PAK2: variants seen among roughly 807,000 people sequenced by gnomAD.
PAK2 encodes p21 (RAC1) activated kinase 2, also known as serine/threonine-protein kinase PAK 2.
In PAK2, 21 loss-of-function variants were observed where a neutral mutation model predicts 65.9. The observed-to-expected ratio is 0.32, with a 90% CI of 0.23 to 0.46. The LOEUF is 0.46. PAK2 is among the 20% of genes least tolerant of loss of function. The probability of loss-of-function intolerance (pLI) is 1.00; values close to 1 mark genes in which losing one functional copy is unlikely to be tolerated. For missense variants in PAK2, 324 were observed against 642.6 expected (o/e 0.50, Z 5.36); for synonymous variants, 204 against 219.7 (o/e 0.93, Z 0.63).
chr3:196,755,156 C>G (rs1423736964), intron 1 of PAK2, among the ~76,000 whole-genome samples: 1 of 152,194 alleles, frequency 6.6e-6, no homozygotes, highest in Non-Finnish European at 1.5e-5. Flanking sequence ...GCATTATTTA[C>G]TAGAGTAAAC....
chr3:196,742,933 AAG>A (rs1327188178), intron 1 of PAK2, among the ~76,000 whole-genome samples: 1 of 152,198 alleles, frequency 6.6e-6, no homozygotes, highest in Non-Finnish European at 1.5e-5. Context: ...AAAAAAGAAA[AAG>A]AAAAAGAAAC....
At chr3:196,816,391 A>G (rs1716029248) in intron 11 of PAK2, among the ~76,000 whole-genome samples, 1 of 152,216 alleles carries the variant, frequency 6.6e-6, no homozygotes, top group African/African-American at 2.4e-5. Flanking sequence ...AGTCCTTAAC[A>G]ATGCATGCTT....
intron 1 of PAK2, among the ~76,000 whole-genome samples, chr3:196,777,101 CTTATT>C (rs1714560263): frequency 6.6e-6 from 1 of 152,170 alleles, no homozygotes; most frequent in African/African-American, 2.4e-5. Flanking sequence ...TCTCACTCAA[CTTATT>C]TTGTTTTGGA....
intron 2 of PAK2, among the ~76,000 whole-genome samples, chr3:196,789,345 C>T (rs1714992573): frequency 6.6e-6 from 1 of 152,132 alleles, no homozygotes. Flanking sequence ...GATCTGTAAA[C>T]AACCTTTCTG....
chr3:196,820,671 G>A lies in PAK2; in HGVS notation c.1350+104G>A, dbSNP rs553538780. On this transcript the variant is annotated intron_variant, in intron 13 of 14. Coordinates refer to ENST00000327134, the MANE Select transcript of PAK2 (RefSeq NM_002577.4). The surrounding 1 kb of genome is among the most constrained non-coding windows in gnomAD (Gnocchi z 4.6). Reference sequence around the variant, plus strand: ...GTCCAAGAATTTAAAGTAGAAGGTTGATAAAACCTAATCTCTGCCCCTAAC... The same window carrying A: ...GTCCAAGAATTTAAAGTAGAAGGTTAATAAAACCTAATCTCTGCCCCTAAC... 37 of 549,904 alleles carry A rather than the reference G, an allele frequency of 6.7e-5. No homozygotes were observed. The Admixed American group carries it at 9.9e-4, about 15-fold the overall frequency. The allele number at this position is 549,904 out of a possible 1,614,324, so 34.1% of individuals were successfully genotyped here.
At chr3:196,814,124 T>C (rs1481216947) in intron 10 of PAK2, among the ~76,000 whole-genome samples, 1 of 152,132 alleles carries the variant, frequency 6.6e-6, no homozygotes, top group Non-Finnish European at 1.5e-5. Context: ...CTTGGATGAG[T>C]CACTTCACCT....
intron 1 of PAK2, chr3:196,747,325 A>G (rs371019711): frequency 6.6e-6 from 1 of 152,156 alleles, no homozygotes; most frequent in African/African-American, 2.4e-5. Flanking sequence ...GTGCAAAGCT[A>G]GTTCATTTTA....
Position 196,829,764 on chromosome 3 carries a change from A to G in PAK2, c.*1359A>G, listed in dbSNP as rs1048359847. On this transcript the variant is annotated 3_prime_UTR_variant, in exon 15 of 15. Coordinates refer to ENST00000327134, the MANE Select transcript of PAK2 (RefSeq NM_002577.4). ...AGTTTAGTTTTGTTTTGTTTTTTCAAATAAGTAGAGACTATTGTAAAAAAC... is the reference window on the plus strand; with the variant it reads ...AGTTTAGTTTTGTTTTGTTTTTTCAGATAAGTAGAGACTATTGTAAAAAAC... 3.9e-5 allele frequency: 6 copies of G among 152,220 alleles called. No homozygotes were observed. The highest frequency in any genetic ancestry group is 1.4e-4 in the African/African-American group (6 of 41,458). 9.4% of individuals were successfully genotyped at this position (152,220 alleles called of 1,614,324 possible).
chr3:196,766,626 G>A (rs541435561), intron 1 of PAK2, among the ~76,000 whole-genome samples: 2 of 151,762 alleles, frequency 1.3e-5, no homozygotes, highest in Non-Finnish European at 2.9e-5. Flanking sequence ...TATAATTTAC[G>A]GAGTTCCAAA....
At chr3:196,768,073 GA>G (rs1230065868) in intron 1 of PAK2, among the ~76,000 whole-genome samples, 1 of 151,980 alleles carries the variant, frequency 6.6e-6, no homozygotes, top group Non-Finnish European at 1.5e-5. Context: ...GCTAAAACTG[GA>G]AAAATATTTT....
Position 196,820,278 on chromosome 3 carries a change from A to T in PAK2, c.1154-93A>T, listed in dbSNP as rs765803770. The T allele has an allele frequency of 4.9e-6, 3 of 609,694 alleles. No homozygotes were observed. The highest frequency in any genetic ancestry group is 8.0e-6 in the Non-Finnish European group (3 of 375,920). The allele number at this position is 609,694 out of a possible 1,614,324, so 37.8% of individuals were successfully genotyped here. A position where few individuals can be genotyped will look rare whatever the true frequency, so the allele number is the denominator to read the frequency against. ...AATCTTTAAAAACAAGAGGCCTAAT[A>T]GTCAAAATATAATTAATTACATAAT... On this transcript the variant is annotated intron_variant, in intron 12 of 14. Transcript: ENST00000327134. The surrounding 1 kb of genome is among the most constrained non-coding windows in gnomAD (Gnocchi z 4.6).
At chr3:196,756,101 C>T (rs1470729006) in intron 1 of PAK2, among the ~76,000 whole-genome samples, 1 of 152,248 alleles carries the variant, frequency 6.6e-6, no homozygotes, top group East Asian at 1.9e-4. Flanking sequence ...TTGTTGTCTC[C>T]CTGTTCCCTA....
intron 1 of PAK2, among the ~76,000 whole-genome samples, chr3:196,780,484 G>A (rs549293768): frequency 9.2e-5 from 14 of 152,252 alleles, no homozygotes; most frequent in Admixed American, 2.6e-4. Flanking sequence ...ATCAGATCAC[G>A]TGAGATGTAC....
chr3:196,805,935 A>T (rs4916552), intron 5 of PAK2, among the ~76,000 whole-genome samples: 2 of 151,134 alleles, frequency 1.3e-5, no homozygotes. Flanking sequence ...TTTTTGAGTT[A>T]GAGTCTCGCT....
At position 196,751,979 on chromosome 3, in the gene PAK2, G is replaced by T. The variant is rs190522746; in HGVS notation, c.-22+11822G>T. ...GCTGGTCTTGAACTCTTGACCTCAG[G>T]TGTTCTGCCTGCCTCGGCCTCCCAA... On this transcript the variant is annotated intron_variant, in intron 1 of 14. Coordinates refer to ENST00000327134, the MANE Select transcript of PAK2 (RefSeq NM_002577.4). Among the ~76,000 whole-genome samples the T allele has an allele frequency of 1.0e-3, 156 of 151,784 alleles. 1 individual carries two copies. Among genetic ancestry groups the T allele is most frequent in the African/African-American group, 3.6e-3 (150 of 41,370 alleles).
intron 7 of PAK2, among the ~76,000 whole-genome samples, chr3:196,810,060 A>G (rs551143658): frequency 1.8e-4 from 28 of 152,136 alleles, no homozygotes; most frequent in African/African-American, 6.3e-4. Context: ...GATGAAATGT[A>G]TACTGGAAGA....
intron 2 of PAK2, among the ~76,000 whole-genome samples, chr3:196,801,135 A>G (rs1715411606): frequency 6.6e-6 from 1 of 152,196 alleles, no homozygotes; most frequent in African/African-American, 2.4e-5. Context: ...ATGCTTGCAC[A>G]AAAAAGGAGA....
At chr3:196,763,534 A>G (rs191125395) in intron 1 of PAK2, among the ~76,000 whole-genome samples, 139 of 152,304 alleles carry the variant, frequency 9.1e-4, no homozygotes, top group African/African-American at 3.3e-3. Context: ...ATGGAGAGGC[A>G]CTAGATCAGT....
At chr3:196,793,261 G>A (rs1715135091) in intron 2 of PAK2, among the ~76,000 whole-genome samples, 1 of 152,170 alleles carries the variant, frequency 6.6e-6, no homozygotes, top group East Asian at 1.9e-4. Flanking sequence ...TATCAGGGGA[G>A]TCAGGAAAAG....
Sources: allele counts gnomAD v4.1 joint callset (sites outside exome capture counted in the v4.1 genomes callset), GRCh38; gene constraint gnomAD v4.1.1; non-coding constraint Gnocchi (gnomAD v3.1); transcripts MANE v1.5; gene names NCBI Gene and HGNC (gene_info 2026-07-23, HGNC 2026-07-21).